The following TRIM36 variants were observed in gnomAD, a reference collection of about 807,000 sequenced individuals.
TRIM36 encodes tripartite motif containing 36, also known as E3 ubiquitin-protein ligase TRIM36.
A neutral mutation model predicts 72.4 loss-of-function variants in TRIM36; 42 were observed. The observed-to-expected ratio is 0.58, with a 90% CI of 0.45 to 0.75. TRIM36 has a LOEUF of 0.75. TRIM36 is among the 30% of genes least tolerant of loss of function. The probability of loss-of-function intolerance (pLI) is 0.00; values close to 1 mark genes in which losing one functional copy is unlikely to be tolerated. For synonymous variants in TRIM36, 315 were observed against 282.8 expected, an observed-to-expected ratio of 1.11 and a Z score of -1.14; for missense variants, 913 against 857.1, an observed-to-expected ratio of 1.07 and a Z score of -0.81.
intron 8 of TRIM36, among the ~76,000 whole-genome samples, chr5:115,132,202 GTGTATA>G (rs1164699647): frequency 1.3e-5 from 2 of 149,780 alleles, no homozygotes; most frequent in Non-Finnish European, 3.0e-5. Context: ...GTGTGTGTGT[GTGTATA>G]TATATATATA....
chr5:115,165,106 C>T (rs1754690164), intron 1 of TRIM36, among the ~76,000 whole-genome samples: 1 of 152,244 alleles, frequency 6.6e-6, no homozygotes, highest in Non-Finnish European at 1.5e-5. Flanking sequence ...AGTTCCACCC[C>T]TGTGGCTTTG....
chr5:115,162,062 C>T (rs1754515376), intron 2 of TRIM36, among the ~76,000 whole-genome samples: 2 of 152,176 alleles, frequency 1.3e-5, no homozygotes, highest in Admixed American at 6.5e-5. Flanking sequence ...ATTCCATCTA[C>T]TCATTGACCT....
At chr5:115,175,982 C>G (rs1474707326) in intron 1 of TRIM36, among the ~76,000 whole-genome samples, 6 of 151,990 alleles carry the variant, frequency 3.9e-5, no homozygotes, top group Non-Finnish European at 7.4e-5. Flanking sequence ...AAAAATTAGC[C>G]GGGCATGGTG....
intron 2 of TRIM36, chr5:115,159,638 T>C (rs776450564): frequency 2.2e-6 from 1 of 454,364 alleles, no homozygotes; most frequent in South Asian, 1.6e-5. Context: ...AAACATTTTC[T>C]ACCTCTCCAC....
In TRIM36 at chr5:115,169,867, C is replaced by A. The variant is rs1755006466; in HGVS notation, c.-233G>T. ...TGCTCCCAGCGACTACCCCGGGAAT[C>A]CCGCCCAGCTGCCGGCTGCAGCAGC... On this transcript the variant is annotated 5_prime_UTR_variant, in exon 1 of 10. Coordinates refer to ENST00000513154, the MANE Select transcript of TRIM36 (RefSeq NM_001300759.2). The A allele has an allele frequency of 2.3e-6, 3 of 1,305,760 alleles. No individual in the cohort carries two copies. Among genetic ancestry groups the A allele is most frequent in the Admixed American group, 7.7e-5 (2 of 25,854 alleles). 80.9% of individuals were successfully genotyped at this position (1,305,760 alleles called of 1,614,324 possible). A position where few individuals can be genotyped will look rare whatever the true frequency, so the allele number is the denominator to read the frequency against.
chr5:115,169,707 C>G lies in TRIM36; in HGVS notation c.-73G>C. ...GCTACCGAGCGCAGGGTCTGGTGGG[C>G]GGGTCCCTGCGGCGGCCGTGGAGCC... On this transcript the variant is annotated 5_prime_UTR_variant, in exon 1 of 10. Coordinates refer to ENST00000513154, the MANE Select transcript of TRIM36 (RefSeq NM_001300759.2). 6.7e-7 allele frequency: 1 copy of G among 1,491,264 alleles called. No homozygotes were observed. Among genetic ancestry groups the G allele is most frequent in the Non-Finnish European group, 8.9e-7 (1 of 1,119,286 alleles). The allele number at this position is 1,491,264 out of a possible 1,614,324, so 92.4% of individuals were successfully genotyped here.
intron 1 of TRIM36, chr5:115,177,989 T>C: frequency 1.9e-6 from 2 of 1,074,884 alleles, no homozygotes; most frequent in Non-Finnish European, 2.7e-6. Flanking sequence ...ATTGGTATTC[T>C]GAGAGGGTTT....
chr5:115,160,998 C>T (rs1754451625), intron 2 of TRIM36, among the ~76,000 whole-genome samples: 1 of 152,322 alleles, frequency 6.6e-6, no homozygotes, highest in South Asian at 2.1e-4. Flanking sequence ...ATGACTTCTA[C>T]TAGTTTAAAA....
At chr5:115,179,202 C>T (rs1755491346) in intron 1 of TRIM36, among the ~76,000 whole-genome samples, 1 of 152,182 alleles carries the variant, frequency 6.6e-6, no homozygotes, top group East Asian at 1.9e-4. Context: ...GAGCTTCTGC[C>T]GGCAATTTCT....
intron 1 of TRIM36, among the ~76,000 whole-genome samples, chr5:115,165,419 C>G (rs1754709133): frequency 6.6e-6 from 1 of 152,210 alleles, no homozygotes; most frequent in Non-Finnish European, 1.5e-5. Flanking sequence ...CAGAGGTTTC[C>G]AAACCTCAAC....
upstream of TRIM36, among the ~76,000 whole-genome samples, chr5:115,174,623 G>A (rs988227205): frequency 6.6e-6 from 1 of 152,118 alleles, no homozygotes; most frequent in African/African-American, 2.4e-5. Context: ...CCACTACCTG[G>A]CCAAATCCTC....
chr5:115,140,588 C>G (rs2112813462), intron 5 of TRIM36, among the ~76,000 whole-genome samples: 1 of 152,194 alleles, frequency 6.6e-6, no homozygotes, highest in South Asian at 2.1e-4. Flanking sequence ...CTAACCTACC[C>G]CCCTCCTCAA....
chr5:115,146,369 C>T (rs1251502828), intron 3 of TRIM36, among the ~76,000 whole-genome samples: 1 of 152,100 alleles, frequency 6.6e-6, no homozygotes, highest in Non-Finnish European at 1.5e-5. Context: ...ATACACAAGT[C>T]ACTAAGTTAT....
chr5:115,148,266 A>C (rs1753698425), intron 2 of TRIM36: 4 of 870,548 alleles, frequency 4.6e-6, no homozygotes, highest in Admixed American at 1.2e-4. Context: ...AATGACCTTA[A>C]ACATCACATT....
intron 5 of TRIM36, among the ~76,000 whole-genome samples, chr5:115,139,730 T>C (rs79934423): frequency 0.021 from 3,192 of 152,270 alleles, 54 homozygotes; most frequent in Non-Finnish European, 0.034. Flanking sequence ...AGGCAAGTTA[T>C]CTAGCGTAAA....
chr5:115,163,845 C>T, intron 1 of TRIM36, 93 bp from the exon 2 acceptor site: 1 of 1,009,132 alleles, frequency 9.9e-7, no homozygotes, highest in Non-Finnish European at 1.4e-6. Context: ...GTTTATTTTT[C>T]CAAAAAGAAT....
At chr5:115,142,338 T>G (rs1404420976) in intron 4 of TRIM36, among the ~76,000 whole-genome samples, 1 of 152,138 alleles carries the variant, frequency 6.6e-6, no homozygotes. Flanking sequence ...CAGGCCTATG[T>G]GGAGATCAGA....
chr5:115,167,323 G>A (rs977946137), intron 1 of TRIM36, among the ~76,000 whole-genome samples: 1 of 152,150 alleles, frequency 6.6e-6, no homozygotes, highest in African/African-American at 2.4e-5. Context: ...GACATGTCCT[G>A]GAGACATTTT....
chr5:115,170,076 G>T, upstream of TRIM36: 2 of 698,654 alleles, frequency 2.9e-6, no homozygotes, highest in Non-Finnish European at 3.5e-6. Context: ...ACTCGGCTGG[G>T]CGTGGGTGTG....
Sources: gnomAD v4.1 joint callset for allele counts (sites outside exome capture counted in the v4.1 genomes callset) on GRCh38, gnomAD v4.1.1 for gene constraint, MANE v1.5 for transcripts, NCBI Gene and HGNC (gene_info 2026-07-23, HGNC 2026-07-21) for gene names.